LPCAT2: variants seen among roughly 807,000 people sequenced by gnomAD.
LPCAT2 encodes 1-AGP acyltransferase 11.
A neutral mutation model predicts 64.7 loss-of-function variants in LPCAT2; 58 were observed. That is an observed-to-expected ratio of 0.90 (90% CI 0.73 to 1.12). LPCAT2 has a LOEUF of 1.12. Ranked by LOEUF, LPCAT2 falls within the 50% of genes most tolerant of loss-of-function variation. LPCAT2 has a pLI of 0.00. For synonymous variants in LPCAT2, 252 were observed against 245.3 expected, an observed-to-expected ratio of 1.03 and a Z score of -0.26; for missense variants, 579 against 669.8, an observed-to-expected ratio of 0.86 and a Z score of 1.50.
Position 55,586,206 on chromosome 16 carries a change from A to C in LPCAT2, c.*3108A>C, listed in dbSNP as rs529289925. ...TATCACAAACTTTGGTAAATAGGATAGTAATCTGAAGAACTTTTGCCCTTT... is the reference window on the plus strand; with the variant it reads ...TATCACAAACTTTGGTAAATAGGATCGTAATCTGAAGAACTTTTGCCCTTT... On this transcript the variant is annotated 3_prime_UTR_variant, in exon 14 of 14. Coordinates refer to ENST00000262134, the MANE Select transcript of LPCAT2 (RefSeq NM_017839.5). 1 of 152,136 alleles carries C rather than the reference A, an allele frequency of 6.6e-6. No homozygotes were observed. The highest frequency in any genetic ancestry group is 2.4e-5 in the African/African-American group (1 of 41,446). 9.4% of individuals were successfully genotyped at this position (152,136 alleles called of 1,614,324 possible).
intron 7 of LPCAT2, among the ~76,000 whole-genome samples, chr16:55,536,611 T>A (rs1963327332): frequency 6.6e-6 from 1 of 152,216 alleles, no homozygotes; most frequent in Non-Finnish European, 1.5e-5. Flanking sequence ...GCTCCTACAT[T>A]CCTTAAATAA....
chr16:55,552,936 A>G (rs551925514), intron 11 of LPCAT2, among the ~76,000 whole-genome samples: 1 of 152,320 alleles, frequency 6.6e-6, no homozygotes, highest in South Asian at 2.1e-4. Context: ...TCTTCCTTTC[A>G]TGAAAGATTT....
At chr16:55,512,064 G>A (rs1427124004) in intron 1 of LPCAT2, among the ~76,000 whole-genome samples, 3 of 152,242 alleles carry the variant, frequency 2.0e-5, no homozygotes, top group South Asian at 4.1e-4. Context: ...GCTAAAAATA[G>A]TGTGCTTACC....
intron 8 of LPCAT2, chr16:55,539,559 T>C (rs1445397377): frequency 2.0e-5 from 3 of 152,288 alleles, no homozygotes; most frequent in African/African-American, 7.2e-5. Flanking sequence ...CTAAATACTT[T>C]ATGATATTTT....
intron 1 of LPCAT2, among the ~76,000 whole-genome samples, chr16:55,517,287 T>C (rs1963026299): frequency 6.6e-6 from 1 of 152,110 alleles, no homozygotes; most frequent in Non-Finnish European, 1.5e-5. Context: ...ATACCAAAAC[T>C]GATTCAAGAA....
Position 55,518,675 on chromosome 16 carries a change from G to C in LPCAT2, c.172-6833G>C, listed in dbSNP as rs1292121672. 3.3e-5 allele frequency among the ~76,000 whole-genome samples: 5 copies of C among 152,328 alleles called. No individual in the cohort carries two copies. The South Asian group carries it at 1.0e-3, about 32-fold the overall frequency. On this transcript the variant is annotated intron_variant, in intron 1 of 13. Transcript: ENST00000262134. ...ACAGGATTGCCAAGACAATAAAATG[G>C]GGAGAGAGTAGTTTTTGCAACAAAT... is the stretch of plus-strand genomic sequence containing the variant.
chr16:55,576,721 C>G (rs1391965030), intron 12 of LPCAT2, among the ~76,000 whole-genome samples: 2 of 152,094 alleles, frequency 1.3e-5, no homozygotes, highest in African/African-American at 4.8e-5. Flanking sequence ...AGATATCAGT[C>G]CCCATTTCAA....
Position 55,574,656 on chromosome 16 carries a change from G to C in LPCAT2, c.1241G>C (p.Arg414Pro). The C allele has an allele frequency of 4.3e-6, 7 of 1,613,398 alleles. No individual in the cohort carries two copies. In the South Asian group the frequency reaches 6.6e-5, roughly 15 times the overall value. The part of the protein sequence containing the change: ...DRNHDGSIDF[R>P]EYVIGLAVLC... ...AACCATGATGGCAGCATTGACTTCC[G>C]AGAGTATGTGATTGGCCTGGCTGTC... The change falls in exon 12 of 14, where the codon CGA (arginine) becomes CCA (proline). Residue 414 changes from arginine to proline, a missense_variant. By Grantham distance (103) the Arg-to-Pro change is moderately radical. Coordinates refer to ENST00000262134, the MANE Select transcript of LPCAT2 (RefSeq NM_017839.5).
intron 12 of LPCAT2, 31 bp from the exon 13 acceptor site, chr16:55,579,078 G>A (rs765452403): frequency 8.7e-6 from 14 of 1,606,744 alleles, no homozygotes; most frequent in Admixed American, 3.4e-5. Flanking sequence ...TGATCCTGAG[G>A]GAGCTAATTC....
intron 8 of LPCAT2, among the ~76,000 whole-genome samples, chr16:55,544,749 A>G (rs1293837234): frequency 6.6e-6 from 1 of 152,084 alleles, no homozygotes; most frequent in Non-Finnish European, 1.5e-5. Flanking sequence ...GCCCCTGACA[A>G]AATTAATCCT....
At position 55,586,408 on chromosome 16, in the gene LPCAT2, T is replaced by C. The variant is rs1485946859; in HGVS notation, c.*3310T>C. 1 of 152,064 alleles carries C rather than the reference T, an allele frequency of 6.6e-6. No homozygotes were observed. The highest frequency in any genetic ancestry group is 1.5e-5 in the Non-Finnish European group (1 of 68,004). The allele number at this position is 152,064 out of a possible 1,614,324, so 9.4% of individuals were successfully genotyped here. ...TTATTTTCTTATTATTTTAAAAGAA[T>C]CTATGCACATTAGCAAAATTTAAAA... On this transcript the variant is annotated 3_prime_UTR_variant, in exon 14 of 14. Coordinates refer to ENST00000262134, the MANE Select transcript of LPCAT2 (RefSeq NM_017839.5).
intron 11 of LPCAT2, among the ~76,000 whole-genome samples, chr16:55,558,802 GC>G (rs1434454158): frequency 6.6e-6 from 1 of 152,120 alleles, no homozygotes; most frequent in Admixed American, 6.5e-5. Flanking sequence ...ATTGGATTTG[GC>G]CCACCAGCTG....
chr16:55,550,999 C>G lies in LPCAT2; in HGVS notation c.1112C>G (p.Ala371Gly). ...CATTTGGATGAATATGCATCTATTG[C>G]GAGTTCCTCAAAAGGAGGAAGAATT... ...RKHLDEYASI[A>G]SSSKGGRIGI... is the part of the protein sequence containing the mutation. The change falls in exon 11 of 14, where the codon GCG (alanine) becomes GGG (glycine). Residue 371 changes from alanine (A) to glycine (G), a missense_variant. Physicochemically the swap from Ala to Gly is moderately conservative, Grantham distance 60. Transcript: ENST00000262134. The G allele has an allele frequency of 1.2e-6, 2 of 1,609,114 alleles. No individual in the cohort carries two copies. Among genetic ancestry groups the G allele is most frequent in the Admixed American group, 1.7e-5 (1 of 59,864 alleles).
At chr16:55,515,947 C>T (rs894267370) in intron 1 of LPCAT2, among the ~76,000 whole-genome samples, 3 of 151,986 alleles carry the variant, frequency 2.0e-5, no homozygotes, top group African/African-American at 4.8e-5. Flanking sequence ...TTTAAAAAGA[C>T]GTAAGACATA....
In LPCAT2 at chr16:55,544,862, TTGCA is replaced by T. The variant is rs1483890705; in HGVS notation, c.853-869_853-866del. Among the ~76,000 whole-genome samples, 51 of 152,264 alleles carry T rather than the reference TTGCA, an allele frequency of 3.3e-4. 1 individual carries two copies. Among genetic ancestry groups the T allele is most frequent in the Admixed American group, 5.2e-4 (8 of 15,292 alleles). On this transcript the variant is annotated intron_variant, in intron 8 of 13. Transcript: ENST00000262134. ...TTGGGCTGAATTCTGGCCATGTGAC[TTGCA>T]TGCCTTTAGGTAAGTTAATTAAGCT...
chr16:55,513,963 G>A (rs1962970881), intron 1 of LPCAT2, among the ~76,000 whole-genome samples: 1 of 152,156 alleles, frequency 6.6e-6, no homozygotes, highest in Non-Finnish European at 1.5e-5. Flanking sequence ...AGCTATTCAG[G>A]AGGCTCATGT....
intron 11 of LPCAT2, among the ~76,000 whole-genome samples, chr16:55,554,728 A>G (rs1016634181): frequency 2.0e-5 from 3 of 152,204 alleles, no homozygotes; most frequent in African/African-American, 7.2e-5. Context: ...GGCTTTTGAC[A>G]TGCCTTCCTC....
chr16:55,509,991 C>CTTTTTTTTTTTTTTTTTTT (rs57496150), intron 1 of LPCAT2, among the ~76,000 whole-genome samples: 7 of 102,536 alleles, frequency 6.8e-5, no homozygotes, highest in African/African-American at 1.8e-4. Context: ...TTGAAGAAGT[C>CTTTTTTTTTTTTTTTTTTT]TTTTTTTTTT....
intron 7 of LPCAT2, among the ~76,000 whole-genome samples, chr16:55,536,117 A>C (rs143983961): frequency 7.9e-5 from 12 of 152,292 alleles, no homozygotes; most frequent in Non-Finnish European, 1.6e-4. Context: ...CTTCTCATCT[A>C]CTTAATATTA....
Sources: gnomAD v4.1 joint callset for allele counts (sites outside exome capture counted in the v4.1 genomes callset) on GRCh38, gnomAD v4.1.1 for gene constraint, MANE v1.5 for transcripts, NCBI Gene and HGNC (gene_info 2026-07-23, HGNC 2026-07-21) for gene names.